GRM5: variants seen among roughly 807,000 people sequenced by gnomAD.
GRM5 encodes glutamate metabotropic receptor 5.
Under a neutral mutation model 83.1 loss-of-function variants are expected in GRM5, and 19 were observed. That is an observed-to-expected ratio of 0.23 (90% CI 0.16 to 0.34). The LOEUF (loss-of-function observed/expected upper bound fraction) is 0.34, where lower values mean the gene tolerates loss of function less well. Ranked by LOEUF, GRM5 falls within the 10% of genes least tolerant of loss-of-function variation. GRM5 has a pLI of 1.00. For synonymous variants in GRM5, 675 were observed against 633.6 expected, an observed-to-expected ratio of 1.07 and a Z score of -0.98; for missense variants, 1,160 against 1,588.3, an observed-to-expected ratio of 0.73 and a Z score of 4.58.
intron 3 of GRM5, among the ~76,000 whole-genome samples, chr11:88,712,840 A>G (rs1404838341): frequency 6.6e-6 from 1 of 152,088 alleles, no homozygotes; most frequent in Non-Finnish European, 1.5e-5. Context: ...ATCTGTGAAC[A>G]TGCTGTGAAT....
chr11:88,930,906 C>A (rs1419302390), intron 2 of GRM5, among the ~76,000 whole-genome samples: 1 of 150,274 alleles, frequency 6.7e-6, no homozygotes, highest in Non-Finnish European at 1.5e-5. Context: ...ATTTATGAAC[C>A]ATTTCAATTC....
chr11:88,685,130 C>T (rs1254636093), intron 3 of GRM5, among the ~76,000 whole-genome samples: 4 of 152,150 alleles, frequency 2.6e-5, no homozygotes, highest in Non-Finnish European at 5.9e-5. Context: ...TGCTGAATGG[C>T]TTTGACCAAA....
At chr11:89,014,454 GT>G (rs11413873) in intron 2 of GRM5, among the ~76,000 whole-genome samples, 4 of 151,584 alleles carry the variant, frequency 2.6e-5, no homozygotes, top group East Asian at 1.9e-4. Context: ...AGATAGGGCT[GT>G]TTTTTTTGCC....
At chr11:88,866,516 C>T (rs1336974977) in intron 2 of GRM5, among the ~76,000 whole-genome samples, 8 of 151,772 alleles carry the variant, frequency 5.3e-5, no homozygotes, top group Non-Finnish European at 8.8e-5. Context: ...CAAACCTGCA[C>T]ATTCTGCACA....
chr11:89,022,412 G>A lies in GRM5; in HGVS notation c.661+24800C>T, dbSNP rs566695777. Among the ~76,000 whole-genome samples, 17 of 151,948 alleles carry A rather than the reference G, an allele frequency of 1.1e-4. No individual in the cohort carries two copies. In the South Asian group the frequency reaches 2.5e-3, roughly 22 times the overall value. Reference sequence around the variant, plus strand: ...AATCCCAGCACTTTGGGAGGCCAAGGGGGGCAGGTCACAAGGTCAGGAGCT... The same window carrying A: ...AATCCCAGCACTTTGGGAGGCCAAGAGGGGCAGGTCACAAGGTCAGGAGCT... On this transcript the variant is annotated intron_variant, in intron 2 of 9. Coordinates refer to ENST00000305447, the MANE Select transcript of GRM5 (RefSeq NM_001143831.3).
intron 3 of GRM5, among the ~76,000 whole-genome samples, chr11:88,695,629 G>A (rs979661298): frequency 2.0e-5 from 3 of 152,074 alleles, no homozygotes; most frequent in African/African-American, 7.2e-5. Flanking sequence ...TATTTCCTGG[G>A]GCTTTTCTAT....
rs570085567 is a variant in GRM5, at chr11:88,671,652, G to A, written c.912-18249C>T. On this transcript the variant is annotated intron_variant, in intron 3 of 9. Transcript: ENST00000305447. ...AATAATATAATAAACATAATACCAAGTTAAAGAAAATATACGGAAAGGAGA... is the reference window on the plus strand; with the variant it reads ...AATAATATAATAAACATAATACCAAATTAAAGAAAATATACGGAAAGGAGA... 2.6e-5 allele frequency among the ~76,000 whole-genome samples: 4 copies of A among 152,074 alleles called. No homozygotes were observed. In the South Asian group the frequency reaches 6.2e-4, roughly 24 times the overall value.
At chr11:88,513,930 G>A (rs908734559) in intron 9 of GRM5, among the ~76,000 whole-genome samples, 2 of 74,492 alleles carry the variant, frequency 2.7e-5, no homozygotes, top group African/African-American at 1.2e-4. Flanking sequence ...TATTTAGGCT[G>A]AGATTTTTTT....
At chr11:89,058,693 A>G (rs1352387084) in intron 1 of GRM5, among the ~76,000 whole-genome samples, 1 of 152,324 alleles carries the variant, frequency 6.6e-6, no homozygotes, top group Middle Eastern at 3.4e-3. Flanking sequence ...AGAAAGACAA[A>G]TTTAAGCTTT....
chr11:88,988,618 G>A (rs988514513), intron 2 of GRM5, among the ~76,000 whole-genome samples: 11 of 151,122 alleles, frequency 7.3e-5, no homozygotes, highest in Non-Finnish European at 1.5e-4. Flanking sequence ...GAGAAAGGTC[G>A]GGTTACCCTC....
chr11:88,880,495 T>A (rs1005247936), intron 2 of GRM5, among the ~76,000 whole-genome samples: 3 of 152,122 alleles, frequency 2.0e-5, no homozygotes, highest in Admixed American at 1.3e-4. Flanking sequence ...TGAATTAACC[T>A]TATAAAAAGC....
intron 3 of GRM5, among the ~76,000 whole-genome samples, chr11:88,771,832 A>G (rs115104463): frequency 0.011 from 1,654 of 152,242 alleles, 34 homozygotes; most frequent in African/African-American, 0.038. Flanking sequence ...ATTTTTATAT[A>G]ATCGGCATAC....
chr11:88,641,277 C>T (rs954738632), intron 4 of GRM5, among the ~76,000 whole-genome samples: 1 of 152,042 alleles, frequency 6.6e-6, no homozygotes, highest in African/African-American at 2.4e-5. Context: ...TGCTGCTAAA[C>T]CATTCATTAG....
rs537805341 is a variant in GRM5 at position 88,905,772 on chromosome 11, C to T, written c.662-55617G>A. On this transcript the variant is annotated intron_variant, in intron 2 of 9. Coordinates refer to ENST00000305447, the MANE Select transcript of GRM5 (RefSeq NM_001143831.3). ...CTCATTTTGAAAGACATTTCTGAGT[C>T]TCCTACTAAATGCCAGACACTGAGA... Among the ~76,000 whole-genome samples the T allele has an allele frequency of 3.3e-5, 5 of 152,208 alleles. No individual in the cohort carries two copies. In the South Asian group the frequency reaches 1.0e-3, roughly 32 times the overall value.
chr11:88,850,676 A>C (rs1944374581), intron 2 of GRM5, among the ~76,000 whole-genome samples: 1 of 150,836 alleles, frequency 6.6e-6, no homozygotes, highest in African/African-American at 2.4e-5. Context: ...AATCATGAGA[A>C]TTTATGGTTT....
At chr11:88,708,005 C>G (rs949618793) in intron 3 of GRM5, among the ~76,000 whole-genome samples, 4 of 152,028 alleles carry the variant, frequency 2.6e-5, no homozygotes, top group African/African-American at 9.7e-5. Context: ...TATTTGAGAA[C>G]CACCTGCACT....
Position 88,816,590 on chromosome 11 carries a change from A to T in GRM5, c.911+33316T>A, listed in dbSNP as rs188418644. ...GAAAAAGAAATTGGAAACAGAACAA[A>T]TGAAGATAAAAATAAGCAGAAAATA... On this transcript the variant is annotated intron_variant, in intron 3 of 9. Transcript: ENST00000305447. Among the ~76,000 whole-genome samples the T allele has an allele frequency of 6.9e-3, 1,038 of 151,150 alleles. 12 individuals are homozygous for T. Among genetic ancestry groups the T allele is most frequent in the African/African-American group, 0.024 (978 of 41,376 alleles).
At chr11:89,003,390 G>A (rs1940442619) in intron 2 of GRM5, among the ~76,000 whole-genome samples, 1 of 152,138 alleles carries the variant, frequency 6.6e-6, no homozygotes, top group Non-Finnish European at 1.5e-5. Context: ...ATTACCTAAT[G>A]AGGGAATGCC....
At chr11:89,040,112 C>T (rs1004387452) in intron 2 of GRM5, among the ~76,000 whole-genome samples, 7 of 151,778 alleles carry the variant, frequency 4.6e-5, no homozygotes, top group South Asian at 2.1e-4. Flanking sequence ...GAAATCTGTA[C>T]GAACATTCTT....
Sources: gnomAD v4.1 joint callset for allele counts (sites outside exome capture counted in the v4.1 genomes callset) on GRCh38, gnomAD v4.1.1 for gene constraint, MANE v1.5 for transcripts, NCBI Gene and HGNC (gene_info 2026-07-23, HGNC 2026-07-21) for gene names.